DPP6: variants seen among roughly 807,000 people sequenced by gnomAD.
DPP6 encodes dipeptidyl peptidase like 6, also known as A-type potassium channel modulatory protein DPP6.
Under a neutral mutation model 122.6 loss-of-function variants are expected in DPP6, and 69 were observed. That is an observed-to-expected ratio of 0.56 (90% CI 0.46 to 0.69). DPP6 has a LOEUF of 0.69. DPP6 is among the 30% of genes least tolerant of loss of function. DPP6 has a pLI of 0.00. For synonymous variants in DPP6, 418 were observed against 433.1 expected (o/e 0.97, Z 0.43); for missense variants, 928 against 1,116.9 (o/e 0.83, Z 2.41).
At chr7:154,853,921 C>G (rs1802608389) in intron 17 of DPP6, 94 bp downstream of exon 17, 1 of 1,520,170 alleles carries the variant, frequency 6.6e-7, no homozygotes. Flanking sequence ...TTCTCCTACT[C>G]AGAGACAGAG....
chr7:154,697,166 C>A (rs905900189), intron 7 of DPP6, among the ~76,000 whole-genome samples: 1 of 152,206 alleles, frequency 6.6e-6, no homozygotes, highest in Non-Finnish European at 1.5e-5. Context: ...ATGGGAAAGT[C>A]AGCCTCAGGC....
intron 1 of DPP6, among the ~76,000 whole-genome samples, chr7:154,108,783 T>C (rs1227682957): frequency 6.6e-6 from 1 of 152,092 alleles, no homozygotes. Context: ...GGCGGACAGG[T>C]TCTAAGTTGA....
chr7:154,674,114 G>T (rs1489541793), intron 7 of DPP6, among the ~76,000 whole-genome samples: 3 of 152,116 alleles, frequency 2.0e-5, no homozygotes, highest in Non-Finnish European at 2.9e-5. Context: ...GACCTCAAGT[G>T]ATCCACCCAC....
At chr7:154,696,209 C>T (rs1840209757) in intron 7 of DPP6, among the ~76,000 whole-genome samples, 2 of 152,342 alleles carry the variant, frequency 1.3e-5, no homozygotes, top group South Asian at 4.1e-4. Flanking sequence ...GAGCTCTGGG[C>T]TTTTGTGAAC....
intron 16 of DPP6, among the ~76,000 whole-genome samples, chr7:154,813,373 G>A (rs534443500): frequency 3.9e-5 from 6 of 151,972 alleles, no homozygotes; most frequent in Non-Finnish European, 8.8e-5. Flanking sequence ...ATGAGCCACC[G>A]TGCCTGGCCA....
intron 2 of DPP6, among the ~76,000 whole-genome samples, chr7:154,471,425 C>T (rs1049164143): frequency 6.6e-6 from 1 of 152,056 alleles, no homozygotes; most frequent in East Asian, 1.9e-4. Flanking sequence ...TGAAGTCAGG[C>T]ACAACAGGAG....
At chr7:154,425,048 T>C (rs1453324155) in intron 1 of DPP6, among the ~76,000 whole-genome samples, 1 of 152,244 alleles carries the variant, frequency 6.6e-6, no homozygotes, top group Non-Finnish European at 1.5e-5. Flanking sequence ...TATAATTAAA[T>C]GTAGATGAGT....
At chr7:153,916,926 G>A (rs567131413) in intron 1 of DPP6, among the ~76,000 whole-genome samples, 1 of 152,262 alleles carries the variant, frequency 6.6e-6, no homozygotes, top group African/African-American at 2.4e-5. Flanking sequence ...CATGATTGTT[G>A]TGTGTAAAAG....
chr7:154,775,350 A>G (rs749551763), intron 10 of DPP6, among the ~76,000 whole-genome samples: 2 of 152,168 alleles, frequency 1.3e-5, no homozygotes, highest in African/African-American at 2.4e-5. Flanking sequence ...CAATCGTTCC[A>G]TCTTGTGGCT....
Position 154,892,456 on chromosome 7 carries a change from G to A in DPP6, c.2574G>A (p.Ala858=), listed in dbSNP as rs115455867. 205 of 1,613,696 alleles carry A rather than the reference G, an allele frequency of 1.3e-4. No homozygotes were observed. The African/African-American group carries it at 2.5e-3, about 20-fold the overall frequency. The stretch of plus-strand genomic sequence containing the variant: ...AGGACAAACTGCTGACAGTCACAGC[G>A]AAAGAGGACGAGGAGGAGGACTAAG... ...RIQDKLLTVT[A]KEDEEED The change falls in exon 26 of 26, where the codon GCG becomes GCA. Residue 858 remains alanine, a synonymous_variant. Transcript: ENST00000377770.
intron 17 of DPP6, among the ~76,000 whole-genome samples, chr7:154,854,092 C>T (rs1183236388): frequency 6.6e-6 from 1 of 152,210 alleles, no homozygotes; most frequent in Non-Finnish European, 1.5e-5. Context: ...AGGTCATAGA[C>T]TGACATCCTC....
intron 1 of DPP6, among the ~76,000 whole-genome samples, chr7:154,325,864 C>G (rs1215543307): frequency 2.0e-5 from 3 of 152,164 alleles, no homozygotes; most frequent in African/African-American, 7.2e-5. Context: ...AATTGTGCCT[C>G]TCTGTTACCT....
rs867117103 is a variant in DPP6, at chr7:154,375,071, G to C, written c.244-71143G>C. Among the ~76,000 whole-genome samples, 50 of 152,154 alleles carry C rather than the reference G, an allele frequency of 3.3e-4. 1 individual carries two copies. Among genetic ancestry groups the C allele is most frequent in the African/African-American group, 1.2e-3 (49 of 41,430 alleles). On this transcript the variant is annotated intron_variant, in intron 1 of 25. Transcript: ENST00000377770. Reference sequence around the variant, plus strand: ...GCTTGCAAACCGTGAACCCATCTCAGGGACTGGAAGGCTCTGACAAAAGAG... The same window carrying C: ...GCTTGCAAACCGTGAACCCATCTCACGGACTGGAAGGCTCTGACAAAAGAG...
intron 10 of DPP6, among the ~76,000 whole-genome samples, chr7:154,782,156 C>A (rs1587125198): frequency 6.6e-6 from 1 of 152,134 alleles, no homozygotes; most frequent in East Asian, 1.9e-4. Flanking sequence ...AACCGTGTCT[C>A]CCACATGCCA....
chr7:154,282,740 C>T lies in DPP6; in HGVS notation c.244-163474C>T, dbSNP rs113359408. Among the ~76,000 whole-genome samples the T allele has an allele frequency of 1.3e-5, 2 of 152,182 alleles. No individual in the cohort carries two copies. Among genetic ancestry groups the T allele is most frequent in the South Asian group, 2.1e-4 (1 of 4,814 alleles). Reference sequence around the variant, plus strand: ...TTGTTCTCCCAGACTTTCAGTATAACAAACAAATTTAAAAAAAGTATGTAT... The same window carrying T: ...TTGTTCTCCCAGACTTTCAGTATAATAAACAAATTTAAAAAAAGTATGTAT... On this transcript the variant is annotated intron_variant, in intron 1 of 25. Coordinates refer to ENST00000377770, the MANE Select transcript of DPP6 (RefSeq NM_130797.4). This position sits in a 1 kb window ranked among gnomAD's most constrained non-coding sequence, Gnocchi z 4.8.
intron 8 of DPP6, among the ~76,000 whole-genome samples, chr7:154,738,413 A>G (rs1842667132): frequency 3.3e-5 from 5 of 152,164 alleles, no homozygotes; most frequent in Admixed American, 2.6e-4. Context: ...TCGGTTTGCT[A>G]TTTAATTAAT....
chr7:154,234,910 C>T (rs545638439), intron 1 of DPP6, among the ~76,000 whole-genome samples: 10 of 152,280 alleles, frequency 6.6e-5, no homozygotes, highest in African/African-American at 2.2e-4. Flanking sequence ...GGCCTGGGAT[C>T]CCCGTGCCTC....
intron 1 of DPP6, among the ~76,000 whole-genome samples, chr7:154,236,347 T>C (rs78904532): frequency 0.016 from 2,463 of 152,316 alleles, 65 homozygotes; most frequent in African/African-American, 0.056. Flanking sequence ...TCAGCATGCC[T>C]ATAGAGGCAT....
intron 1 of DPP6, among the ~76,000 whole-genome samples, chr7:154,444,563 T>C (rs1819694957): frequency 6.6e-6 from 1 of 152,234 alleles, no homozygotes; most frequent in African/African-American, 2.4e-5. Context: ...AGATTTGGTC[T>C]TGATGTTCTG....
Sources: allele counts gnomAD v4.1 joint callset (sites outside exome capture counted in the v4.1 genomes callset), GRCh38; gene constraint gnomAD v4.1.1; non-coding constraint Gnocchi (gnomAD v3.1); transcripts MANE v1.5; gene names NCBI Gene and HGNC (gene_info 2026-07-23, HGNC 2026-07-21).